Variants in MYPN observed in about 807,000 individuals in gnomAD.
The protein encoded by MYPN is sarcomeric protein myopalladin, 145 kDa (MYOP).
MYPN carries 63 observed loss-of-function variants against 129.4 expected under a neutral mutation model. The observed-to-expected ratio is 0.49, with a 90% CI of 0.40 to 0.60. The LOEUF (loss-of-function observed/expected upper bound fraction) is 0.60. Ranked by LOEUF, MYPN falls within the 20% of genes least tolerant of loss-of-function variation. The pLI, the probability that MYPN is intolerant of heterozygous loss-of-function variation, is 0.00. For synonymous variants in MYPN, 629 were observed against 600.9 expected, an observed-to-expected ratio of 1.05 and a Z score of -0.68; for missense variants, 1,596 against 1,635.4, an observed-to-expected ratio of 0.98 and a Z score of 0.42.
upstream of MYPN, among the ~76,000 whole-genome samples, chr10:68,103,485 C>T (rs1431079735): frequency 6.6e-6 from 1 of 152,116 alleles, no homozygotes; most frequent in African/African-American, 2.4e-5. Context: ...AACACAAAGT[C>T]AATAAAACTA....
intron 2 of MYPN, among the ~76,000 whole-genome samples, chr10:68,140,616 A>G (rs1368932282): frequency 6.6e-6 from 1 of 152,074 alleles, no homozygotes; most frequent in African/African-American, 2.4e-5. Context: ...TGGATGACTT[A>G]TATTTGTAGT....
chr10:68,196,734 T>G (rs1426810116), intron 15 of MYPN, among the ~76,000 whole-genome samples: 1 of 151,812 alleles, frequency 6.6e-6, no homozygotes, highest in Non-Finnish European at 1.5e-5. Flanking sequence ...GTCAACCTGC[T>G]TCAGCCTCCC....
chr10:68,177,624 C>T (rs772165039), intron 12 of MYPN, among the ~76,000 whole-genome samples: 6 of 152,080 alleles, frequency 3.9e-5, no homozygotes, highest in South Asian at 2.1e-4. Flanking sequence ...CTGTGACCCA[C>T]GCTGGTGAAG....
chr10:68,112,588 G>C (rs553011794), intron 1 of MYPN, among the ~76,000 whole-genome samples: 1 of 151,902 alleles, frequency 6.6e-6, no homozygotes, highest in East Asian at 1.9e-4. Context: ...ATCTCTGCTC[G>C]GCCTCTTTAT....
At position 68,145,297 on chromosome 10, in the gene MYPN, T is replaced by C. The variant is rs560471112; in HGVS notation, c.1079-178T>C. On this transcript the variant is annotated intron_variant, in intron 3 of 19. Coordinates refer to ENST00000358913, the MANE Select transcript of MYPN (RefSeq NM_032578.4). ...CCTCGGCCTCCCAAAGTGCTGAGAT[T>C]ACAGGTGTGAGCCACCACGCCCGGC... is the stretch of plus-strand genomic sequence containing the variant. Among the ~76,000 whole-genome samples the C allele has an allele frequency of 1.6e-4, 25 of 152,256 alleles. 1 individual carries two copies. In the South Asian group the frequency reaches 5.0e-3, roughly 30 times the overall value.
Position 68,201,899 on chromosome 10 carries a change from C to T in MYPN, c.3564C>T (p.Pro1188=), listed in dbSNP as rs768400415. Residue 1188 remains proline (P), a synonymous_variant, in exon 18 of 20, where the codon CCC becomes CCT. Coordinates refer to ENST00000358913, the MANE Select transcript of MYPN (RefSeq NM_032578.4). ...LQNCGVPEGH[P]VRLECRVIGM... ...ACTGCGGTGTTCCCGAAGGCCACCC[C>T]GTGAGACTGGAGTGCCGCGTGATAG... The T allele has an allele frequency of 3.2e-5, 51 of 1,614,042 alleles. No homozygotes were observed. The highest frequency in any genetic ancestry group is 7.7e-5 in the South Asian group (7 of 91,084).
rs2042919072 is a variant in MYPN at position 68,158,497 on chromosome 10, T to A, written c.1329T>A (p.Asn443Lys). The A allele has an allele frequency of 6.2e-7, 1 of 1,613,830 alleles. No individual in the cohort carries two copies. Among genetic ancestry groups the A allele is most frequent in the Admixed American group, 1.7e-5 (1 of 59,992 alleles). ...AAPVFTKMLQ[N>K]LSASEGQLVV... ...TCTTATCATTATAGATGCTACAAAATTTGTCAGCTTCTGAGGGTCAGCTGG... is the reference window on the plus strand; with the variant it reads ...TCTTATCATTATAGATGCTACAAAAATTGTCAGCTTCTGAGGGTCAGCTGG... Residue 443 changes from asparagine (N) to lysine (K), a missense_variant, in exon 7 of 20, where the codon AAT (asparagine) becomes AAA (lysine). Coordinates refer to ENST00000358913, the MANE Select transcript of MYPN (RefSeq NM_032578.4).
At chr10:68,158,176 C>T in intron 6 of MYPN, 1 of 301,572 alleles carries the variant, frequency 3.3e-6, no homozygotes. Flanking sequence ...CTTTTTCTCC[C>T]TCATTGTTTC....
In MYPN at chr10:68,174,605, C is replaced by G. The variant is rs573187096; in HGVS notation, c.2513C>G (p.Pro838Arg). 2 of 1,614,202 alleles carry G rather than the reference C, an allele frequency of 1.2e-6. No individual in the cohort carries two copies. Among genetic ancestry groups the G allele is most frequent in the South Asian group, 2.2e-5 (2 of 91,090 alleles). The part of the protein sequence containing the change: ...AFLSSVLPSL[P>R]AIPPTNAMGL... ...CTCAGCTCTGTTCTGCCTTCTCTCCCTGCCATCCCACCCACAAATGCCATG... is the reference window on the plus strand; with the variant it reads ...CTCAGCTCTGTTCTGCCTTCTCTCCGTGCCATCCCACCCACAAATGCCATG... The change falls in exon 11 of 20, where the codon CCT becomes CGT. Residue 838 changes from proline to arginine, a missense_variant. Pro to Arg is a moderately radical substitution (Grantham distance 103, BLOSUM62 -2). Coordinates refer to ENST00000358913, the MANE Select transcript of MYPN (RefSeq NM_032578.4).
intron 6 of MYPN, among the ~76,000 whole-genome samples, chr10:68,155,303 A>G (rs1204684819): frequency 6.6e-6 from 1 of 152,252 alleles, no homozygotes; most frequent in Non-Finnish European, 1.5e-5. Context: ...AGAGAAAAAA[A>G]GTAAAATGTC....
At position 68,169,181 on chromosome 10, in the gene MYPN, TAAAAAA is replaced by T. The variant is rs59317396; in HGVS notation, c.1973+2537_1973+2542del. On this transcript the variant is annotated intron_variant, in intron 10 of 19. Coordinates refer to ENST00000358913, the MANE Select transcript of MYPN (RefSeq NM_032578.4). ...TAACACGGTGAAACTCCGTCTCTAC[TAAAAAA>T]AAAAAAAAAAAAAAAAAAAAATTAG... Among the ~76,000 whole-genome samples the T allele has an allele frequency of 2.1e-3, 193 of 91,064 alleles. 3 individuals are homozygous for T. The highest frequency in any genetic ancestry group is 9.0e-3 in the East Asian group (24 of 2,666). The allele number at this position is 91,064 out of a possible 152,430, so 59.7% of individuals were successfully genotyped here. A position where few individuals can be genotyped will look rare whatever the true frequency, so the allele number is the denominator to read the frequency against.
At chr10:68,197,522 T>G (rs182989437) in intron 16 of MYPN, 44 bp downstream of exon 16, 117 of 1,610,854 alleles carry the variant, frequency 7.3e-5, no homozygotes, top group Middle Eastern at 6.6e-4. Flanking sequence ...TGTTCATATT[T>G]TGTATTTGTT....
At chr10:68,093,465 G>A (rs569459481) in intron 1 of MYPN, among the ~76,000 whole-genome samples, 58 of 151,760 alleles carry the variant, frequency 3.8e-4, no homozygotes, top group African/African-American at 1.3e-3. Context: ...TAGGCCGAGC[G>A]TGGTGGCTCA....
In MYPN at chr10:68,211,937, A is replaced by G. The variant is rs1215168377; in HGVS notation, c.*1482A>G. On this transcript the variant is annotated 3_prime_UTR_variant, in exon 20 of 20. Transcript: ENST00000358913. ...CATTGTATTTGTGTGAACAGACAGT[A>G]ACTGCTTAGAAAGGCTTGAAACTGT... The G allele has an allele frequency of 2.6e-6, 1 of 391,854 alleles. No individual in the cohort carries two copies. Among genetic ancestry groups the G allele is most frequent in the East Asian group, 7.3e-5 (1 of 13,758 alleles). The allele number at this position is 391,854 out of a possible 1,614,324, so 24.3% of individuals were successfully genotyped here. A position where few individuals can be genotyped will look rare whatever the true frequency, so the allele number is the denominator to read the frequency against.
chr10:68,204,725 CAA>C (rs33973275), intron 18 of MYPN, among the ~76,000 whole-genome samples: 29 of 89,334 alleles, frequency 3.2e-4, no homozygotes, highest in Admixed American at 1.7e-3. Context: ...GACTCTGTCT[CAA>C]AAAAAAAAAA....
intron 12 of MYPN, among the ~76,000 whole-genome samples, chr10:68,176,484 T>A (rs533995227): frequency 6.6e-6 from 1 of 152,314 alleles, no homozygotes; most frequent in East Asian, 1.9e-4. Context: ...GCTCTCGACT[T>A]CCCAGACCAT....
chr10:68,210,599 G>A lies in MYPN; in HGVS notation c.*144G>A. On this transcript the variant is annotated 3_prime_UTR_variant, in exon 20 of 20. Coordinates refer to ENST00000358913, the MANE Select transcript of MYPN (RefSeq NM_032578.4). ...GGCAAAGAGTGCTTTGAATAAGTCAGCTAGGGATTCTTGCAGTCTCAGCTG... is the reference window on the plus strand; with the variant it reads ...GGCAAAGAGTGCTTTGAATAAGTCAACTAGGGATTCTTGCAGTCTCAGCTG... 1 of 933,860 alleles carries A rather than the reference G, an allele frequency of 1.1e-6. No homozygotes were observed. The highest frequency in any genetic ancestry group is 1.7e-6 in the Non-Finnish European group (1 of 583,454). 57.8% of individuals were successfully genotyped at this position (933,860 alleles called of 1,614,324 possible).
chr10:68,197,358 A>G lies in MYPN; in HGVS notation c.3165A>G (p.Arg1055=). The change falls in exon 16 of 20, where the codon AGA becomes AGG. Residue 1055 remains arginine, a synonymous_variant. Coordinates refer to ENST00000358913, the MANE Select transcript of MYPN (RefSeq NM_032578.4). The part of the protein sequence containing the change: ...LTSAGQSHRG[R]SRVQERDKEP... ...AACATGCTTGTTGTTATAGGGGAAG[A>G]TCCCGAGTGCAAGAAAGAGACAAAG... 5 of 1,613,580 alleles carry G rather than the reference A, an allele frequency of 3.1e-6. No homozygotes were observed. Among genetic ancestry groups the G allele is most frequent in the Non-Finnish European group, 4.2e-6 (5 of 1,179,708 alleles).
At chr10:68,105,423 A>G (rs879310277), upstream of MYPN, among the ~76,000 whole-genome samples, 2 of 152,246 alleles carry the variant, frequency 1.3e-5, no homozygotes, top group Admixed American at 1.3e-4. Flanking sequence ...TAATATAATC[A>G]TTATATTAAT....
Sources: allele counts gnomAD v4.1 joint callset (sites outside exome capture counted in the v4.1 genomes callset), GRCh38; gene constraint gnomAD v4.1.1; transcripts MANE v1.5; gene names NCBI Gene and HGNC (gene_info 2026-07-23, HGNC 2026-07-21).